Variants in SNX13 observed in about 807,000 individuals in gnomAD.
The protein encoded by SNX13 is sorting nexin 13.
Under a neutral mutation model 133.6 loss-of-function variants are expected in SNX13, and 45 were observed. That is an observed-to-expected ratio of 0.34 (90% confidence interval 0.27 to 0.43). SNX13 has a LOEUF of 0.43. Among genes scored for constraint, SNX13 ranks in the 20% least tolerant of loss-of-function variants. The probability of loss-of-function intolerance (pLI) is 1.00; values close to 1 mark genes in which losing one functional copy is unlikely to be tolerated. For synonymous variants in SNX13, 414 were observed against 373.9 expected, an observed-to-expected ratio of 1.11 and a Z score of -1.24; for missense variants, 1,032 against 1,145.1, an observed-to-expected ratio of 0.90 and a Z score of 1.43.
chr7:17,896,273 C>T (rs1448632010), intron 2 of SNX13, among the ~76,000 whole-genome samples: 2 of 152,018 alleles, frequency 1.3e-5, no homozygotes, highest in Admixed American at 6.6e-5. Flanking sequence ...CGTATCTAGG[C>T]CATAGATATG....
At chr7:17,830,479 G>A in intron 15 of SNX13, 3 of 983,866 alleles carry the variant, frequency 3.0e-6, no homozygotes, top group Non-Finnish European at 3.6e-6. Flanking sequence ...TCTGTACTGT[G>A]AGGGATAAAC....
At position 17,790,898 on chromosome 7, in the gene SNX13, G is replaced by C. The variant is rs1583420482; in HGVS notation, c.*3147C>G. ...TTGTTAAAGAAAGAAAGTATTGATAGAACAGTTAGGCACACAGTTGACACT... is the reference window on the plus strand; with the variant it reads ...TTGTTAAAGAAAGAAAGTATTGATACAACAGTTAGGCACACAGTTGACACT... On this transcript the variant is annotated 3_prime_UTR_variant, in exon 26 of 26. Transcript: ENST00000428135. 10 of 152,136 alleles carry C rather than the reference G, an allele frequency of 6.6e-5. No homozygotes were observed. Among genetic ancestry groups the C allele is most frequent in the Admixed American group, 6.5e-4 (10 of 15,274 alleles). The allele number at this position is 152,136 out of a possible 1,614,324, so 9.4% of individuals were successfully genotyped here. A position where few individuals can be genotyped will look rare whatever the true frequency, so the allele number is the denominator to read the frequency against.
In SNX13 at chr7:17,791,901, G is replaced by C. The variant is rs1243363750; in HGVS notation, c.*2144C>G. The stretch of plus-strand genomic sequence containing the variant: ...CAAAGACTATCATTTGACATTTTCT[G>C]CTTCTGAAATATAAACTCTTCTAAA... On this transcript the variant is annotated 3_prime_UTR_variant, in exon 26 of 26. Transcript: ENST00000428135. The C allele has an allele frequency of 6.6e-6, 1 of 151,986 alleles. No individual in the cohort carries two copies. The highest frequency in any genetic ancestry group is 1.5e-5 in the Non-Finnish European group (1 of 67,936). 9.4% of individuals were successfully genotyped at this position (151,986 alleles called of 1,614,324 possible).
intron 13 of SNX13, among the ~76,000 whole-genome samples, chr7:17,838,970 C>T (rs937002948): frequency 4.0e-5 from 6 of 149,854 alleles, no homozygotes; most frequent in Admixed American, 1.3e-4. Flanking sequence ...ATTACATTAC[C>T]TATTATATAT....
rs534872467 is a variant in SNX13 at position 17,917,244 on chromosome 7, G to C, written c.13-19798C>G. Among the ~76,000 whole-genome samples, 14 of 152,194 alleles carry C rather than the reference G, an allele frequency of 9.2e-5. 1 individual carries two copies. The highest frequency in any genetic ancestry group is 4.1e-4 in the South Asian group (2 of 4,820). On this transcript the variant is annotated intron_variant, in intron 1 of 25. Transcript: ENST00000428135. ...GCAAAAGCTGGAAGCATTCCCCTAA[G>C]AACTGGAGCAAAACAAGGATGTCCA...
At chr7:17,809,232 A>G (rs1785688690) in intron 20 of SNX13, among the ~76,000 whole-genome samples, 1 of 149,574 alleles carries the variant, frequency 6.7e-6, no homozygotes, top group South Asian at 2.2e-4. Flanking sequence ...AAAGACACAC[A>G]TAGGCTCAAA....
chr7:17,929,400 T>C (rs1195950854), intron 1 of SNX13, among the ~76,000 whole-genome samples: 4 of 152,160 alleles, frequency 2.6e-5, no homozygotes, highest in Non-Finnish European at 5.9e-5. Context: ...ACTGAAATTA[T>C]GTATATGCTT....
intron 1 of SNX13, among the ~76,000 whole-genome samples, chr7:17,927,900 TAAAGTACACA>T (rs1800939329): frequency 6.6e-6 from 1 of 152,120 alleles, no homozygotes; most frequent in Admixed American, 6.5e-5. Context: ...CTCTACTAAA[TAAAGTACACA>T]AAACTTTTAT....
intron 1 of SNX13, among the ~76,000 whole-genome samples, chr7:17,931,097 A>G (rs1006107116): frequency 1.3e-5 from 2 of 152,174 alleles, no homozygotes; most frequent in Admixed American, 1.3e-4. Context: ...CACTATTGCA[A>G]TACTTTAAGT....
intron 1 of SNX13, among the ~76,000 whole-genome samples, chr7:17,938,002 C>G (rs1802307248): frequency 6.6e-6 from 1 of 152,124 alleles, no homozygotes; most frequent in South Asian, 2.1e-4. Context: ...AATCACATCT[C>G]CTAAAAGCTG....
At chr7:17,824,678 G>A (rs1407811401) in intron 17 of SNX13, among the ~76,000 whole-genome samples, 1 of 151,794 alleles carries the variant, frequency 6.6e-6, no homozygotes, top group South Asian at 2.1e-4. Context: ...CAGAGCTGGG[G>A]TTTGAGCCCA....
intron 25 of SNX13, 67 bp from the exon 26 acceptor site, chr7:17,794,359 T>G: frequency 1.3e-6 from 2 of 1,526,542 alleles, no homozygotes; most frequent in East Asian, 2.3e-5. Context: ...CTCTTAAATG[T>G]TCTTAAATTA....
chr7:17,876,893 A>G (rs1371231155), intron 5 of SNX13, among the ~76,000 whole-genome samples: 1 of 151,788 alleles, frequency 6.6e-6, no homozygotes, highest in East Asian at 1.9e-4. Context: ...TCACCCAGGA[A>G]CATACCAAGT....
At position 17,868,503 on chromosome 7, in the gene SNX13, T is replaced by TA. The variant is rs761418814; in HGVS notation, c.754-14dup. On this transcript the variant is annotated splice_polypyrimidine_tract_variant and intron_variant, in intron 8 of 25. Coordinates refer to ENST00000428135, the MANE Select transcript of SNX13 (RefSeq NM_015132.5). The stretch of plus-strand genomic sequence containing the variant: ...GTGCAAGGATTTCCTGAAAAAAAAG[T>TA]AAATAACAAAAACAAATTTAATCTA... 103 of 1,574,770 alleles carry TA rather than the reference T, an allele frequency of 6.5e-5. 1 individual carries two copies. The East Asian group carries it at 1.9e-3, about 29-fold the overall frequency.
intron 17 of SNX13, among the ~76,000 whole-genome samples, chr7:17,822,673 T>C (rs1787432456): frequency 6.6e-6 from 1 of 152,216 alleles, no homozygotes; most frequent in Non-Finnish European, 1.5e-5. Context: ...TTGCTATTAA[T>C]TGCTTTCTGT....
chr7:17,839,775 A>G (rs1583431877), intron 13 of SNX13, 32 bp downstream of exon 13: 3 of 1,526,752 alleles, frequency 2.0e-6, no homozygotes, highest in Non-Finnish European at 2.6e-6. Flanking sequence ...ATACTGCTAA[A>G]GAAGAAAACA....
chr7:17,806,634 T>C (rs1160963669), intron 20 of SNX13, among the ~76,000 whole-genome samples: 1 of 151,812 alleles, frequency 6.6e-6, no homozygotes, highest in Admixed American at 6.6e-5. Context: ...TAGACGCCAT[T>C]ATTAATTAAA....
Position 17,902,064 on chromosome 7 carries a change from T to C in SNX13, c.13-4618A>G, listed in dbSNP as rs577730206. 2.0e-5 allele frequency among the ~76,000 whole-genome samples: 3 copies of C among 152,354 alleles called. No individual in the cohort carries two copies. The East Asian group carries it at 5.8e-4, about 29-fold the overall frequency. On this transcript the variant is annotated intron_variant, in intron 1 of 25. Transcript: ENST00000428135. ...CCAATTTGTCAACAAGGGGAAATAC[T>C]TGATTTTTCTAAAAACTCAACTTTT... is the stretch of plus-strand genomic sequence containing the variant.
intron 1 of SNX13, chr7:17,898,865 C>T (rs1353471466): frequency 6.6e-6 from 1 of 152,040 alleles, no homozygotes; most frequent in Non-Finnish European, 1.5e-5. Context: ...ACTCTTATTC[C>T]TTTGTGTTTT....
Sources: allele counts gnomAD v4.1 joint callset (sites outside exome capture counted in the v4.1 genomes callset), GRCh38; gene constraint gnomAD v4.1.1; transcripts MANE v1.5; gene names NCBI Gene and HGNC (gene_info 2026-07-23, HGNC 2026-07-21).